ALS2: variants seen among roughly 807,000 people sequenced by gnomAD.
ALS2 encodes the protein alsin.
ALS2 carries 117 observed loss-of-function variants against 203.4 expected under a neutral mutation model. The ratio of observed to expected loss-of-function variants is 0.58; its 90% CI spans 0.50 to 0.67. The LOEUF is 0.67. ALS2 is among the 30% of genes least tolerant of loss of function. The pLI, the probability that ALS2 is intolerant of heterozygous loss-of-function variation, is 0.00. For synonymous variants in ALS2, 718 were observed against 725.9 expected, an observed-to-expected ratio of 0.99 and a Z score of 0.17; for missense variants, 1,715 against 1,989.4, an observed-to-expected ratio of 0.86 and a Z score of 2.62.
chr2:201,720,001 C>T (rs1027432793), intron 23 of ALS2: 1 of 299,238 alleles, frequency 3.3e-6, no homozygotes, highest in Admixed American at 5.0e-5. Flanking sequence ...AATGCTTAGG[C>T]CCAGAAGACT....
At position 201,755,380 on chromosome 2, in the gene ALS2, A is replaced by G. The variant is rs368983660; in HGVS notation, c.1472-709T>C. On this transcript the variant is annotated intron_variant, in intron 5 of 33. Transcript: ENST00000264276. ...TGGGTTCAAGTGATTCTCCTGCCTC[A>G]GCCTCCTGAGTAGCTAGGATTACAG... Among the ~76,000 whole-genome samples the G allele has an allele frequency of 2.3e-3, 352 of 152,088 alleles. 14 individuals are homozygous for G. The South Asian group carries it at 0.07, about 30-fold the overall frequency.
At chr2:201,707,097 C>T in intron 28 of ALS2, 75 bp from the exon 29 acceptor site, 1 of 1,437,590 alleles carries the variant, frequency 7.0e-7, no homozygotes, top group Non-Finnish European at 9.5e-7. Context: ...GGTAGAGCTT[C>T]AGTTTCAAAA....
At chr2:201,723,506 T>G (rs1283156809) in intron 21 of ALS2, 65 bp from the exon 22 acceptor site, 3 of 1,364,158 alleles carry the variant, frequency 2.2e-6, no homozygotes, top group Non-Finnish European at 3.1e-6. Context: ...AAAAGACAAT[T>G]ATCACATGGG....
intron 15 of ALS2, among the ~76,000 whole-genome samples, chr2:201,728,014 T>C (rs1176327389): frequency 6.6e-6 from 1 of 152,170 alleles, no homozygotes; most frequent in East Asian, 1.9e-4. Flanking sequence ...CTGACACTCA[T>C]TCTCAAGCTG....
rs565502273 is a variant in ALS2 at position 201,719,452 on chromosome 2, G to A, written c.3703-1242C>T. On this transcript the variant is annotated intron_variant, in intron 23 of 33. Coordinates refer to ENST00000264276, the MANE Select transcript of ALS2 (RefSeq NM_020919.4). ...AAAAATACAAAAATTAGCTGGGCAC[G>A]GTGGCACGTGCCTGTAATCCCATCT... Among the ~76,000 whole-genome samples, 22 of 152,304 alleles carry A rather than the reference G, an allele frequency of 1.4e-4. No individual in the cohort carries two copies. In the South Asian group the frequency reaches 3.7e-3, roughly 26 times the overall value.
In ALS2 at chr2:201,706,927, T is replaced by A. The variant is rs1689753526; in HGVS notation, c.4499A>T (p.Glu1500Val). Reference sequence around the variant, plus strand: ...GACACATTCCCAGTAAATGTCTTCCTCGCGATCATTATCCAAAGCATAAAG... The same window carrying A: ...GACACATTCCCAGTAAATGTCTTCCACGCGATCATTATCCAAAGCATAAAG... ...FMLYALDNDR[E>V]EDIYWECVLR... The change falls in exon 29 of 34, where the codon GAG (glutamate) becomes GTG (valine). Residue 1500 changes from glutamate (E) to valine (V), a missense_variant. Physicochemically the swap from Glu to Val is moderately radical, Grantham distance 121. This residue lies in a region of ALS2 where 1,227 missense variants were observed against 1,413.5 expected (regional missense o/e 0.87). Coordinates refer to ENST00000264276, the MANE Select transcript of ALS2 (RefSeq NM_020919.4). The A allele has an allele frequency of 6.2e-7, 1 of 1,613,966 alleles. No individual in the cohort carries two copies. The highest frequency in any genetic ancestry group is 1.7e-5 in the Admixed American group (1 of 59,992).
In ALS2 at chr2:201,768,868, T is replaced by C. The variant is rs375556249; in HGVS notation, c.18A>G (p.Arg6=). Residue 6 remains arginine (R), a splice_region_variant and synonymous_variant, in exon 2 of 34, where the codon AGA becomes AGG. Transcript: ENST00000264276. Reference sequence around the variant, plus strand: ...AGAAAAGGAAGAAATGATTTTACCTTCTCTTCTTTGAGTCCATCGGTCAGT... The same window carrying C: ...AGAAAAGGAAGAAATGATTTTACCTCCTCTTCTTTGAGTCCATCGGTCAGT... The part of the protein sequence containing the change: MDSKK[R]SSTEAEGSKE... 3.7e-6 allele frequency: 6 copies of C among 1,613,412 alleles called. No individual in the cohort carries two copies. In the African/African-American group the frequency reaches 8.0e-5, roughly 22 times the overall value.
intron 8 of ALS2, among the ~76,000 whole-genome samples, chr2:201,748,247 T>C (rs1348937101): frequency 6.6e-6 from 1 of 152,166 alleles, no homozygotes; most frequent in African/African-American, 2.4e-5. Flanking sequence ...TATAGCAGTC[T>C]TCTTCTGGCA....
chr2:201,702,706 C>G (rs2105960953), intron 33 of ALS2, among the ~76,000 whole-genome samples: 1 of 152,284 alleles, frequency 6.6e-6, no homozygotes, highest in South Asian at 2.1e-4. Flanking sequence ...AGTTCAGTTT[C>G]TTCTTTGGTG....
Position 201,761,769 on chromosome 2 carries a change from C to T in ALS2, c.225G>A (p.Val75=). The change falls in exon 4 of 34, where the codon GTG becomes GTA. Residue 75 remains valine, a synonymous_variant. Coordinates refer to ENST00000264276, the MANE Select transcript of ALS2 (RefSeq NM_020919.4). The stretch of plus-strand genomic sequence containing the variant: ...GAATGGGGCTACTTGGACAAATCTC[C>T]ACTGGTCCACTTCTCCAGGGAAGAG... ...FGTLPWRSGP[V]EICPSSPILE... is the part of the protein sequence containing the mutation. The T allele has an allele frequency of 1.2e-6, 2 of 1,613,850 alleles. No homozygotes were observed. Among genetic ancestry groups the T allele is most frequent in the Non-Finnish European group, 1.7e-6 (2 of 1,179,962 alleles).
At chr2:201,751,578 T>A (rs1248356355) in intron 7 of ALS2, among the ~76,000 whole-genome samples, 1 of 152,234 alleles carries the variant, frequency 6.6e-6, no homozygotes, top group East Asian at 1.9e-4. Context: ...CTTTATCACA[T>A]ATGTTGCAGA....
At chr2:201,714,070 A>G (rs1288306585) in intron 25 of ALS2, among the ~76,000 whole-genome samples, 1 of 152,128 alleles carries the variant, frequency 6.6e-6, no homozygotes, top group Non-Finnish European at 1.5e-5. Flanking sequence ...TTTCTTGAGG[A>G]CAGGAGTTCG....
chr2:201,735,168 CAG>C (rs1691800649), intron 12 of ALS2, among the ~76,000 whole-genome samples: 1 of 151,480 alleles, frequency 6.6e-6, no homozygotes, highest in African/African-American at 2.4e-5. Context: ...CAAACTCAAA[CAG>C]AGAGGAAGTA....
intron 16 of ALS2, 86 bp downstream of exon 16, chr2:201,727,619 C>A (rs1326786274): frequency 1.6e-6 from 2 of 1,226,986 alleles, no homozygotes; most frequent in Admixed American, 2.0e-5. Flanking sequence ...GTCTCCGAAG[C>A]CTTCCTGAGC....
intron 5 of ALS2, among the ~76,000 whole-genome samples, 163 bp downstream of exon 5, chr2:201,757,239 G>A (rs191729247): frequency 7.9e-4 from 121 of 152,254 alleles, no homozygotes; most frequent in African/African-American, 2.8e-3. Flanking sequence ...ATCTAAAGCA[G>A]ATAAACATGT....
chr2:201,773,814 GGACTGA>G (rs1287706836), intron 1 of ALS2, among the ~76,000 whole-genome samples: 1 of 152,192 alleles, frequency 6.6e-6, no homozygotes, highest in Non-Finnish European at 1.5e-5. Flanking sequence ...CGGACAAAGA[GGACTGA>G]GACTGAGAAG....
intron 4 of ALS2, chr2:201,760,254 T>G: frequency 2.4e-6 from 2 of 842,802 alleles, no homozygotes; most frequent in Non-Finnish European, 1.4e-6. Flanking sequence ...GAGGCTGCAG[T>G]GAGCCACAAT....
intron 1 of ALS2, among the ~76,000 whole-genome samples, chr2:201,771,924 T>A (rs867411133): frequency 1.3e-5 from 2 of 152,202 alleles, no homozygotes; most frequent in African/African-American, 4.8e-5. Flanking sequence ...TGATGTTGCA[T>A]AAACAGCATT....
At chr2:201,744,496 A>C in intron 9 of ALS2, 67 bp from the exon 10 acceptor site, 1 of 1,506,086 alleles carries the variant, frequency 6.6e-7, no homozygotes, top group Non-Finnish European at 9.1e-7. Flanking sequence ...GGTATACTGA[A>C]GCTGGCTTAT....
Sources: gnomAD v4.1 joint callset for allele counts (sites outside exome capture counted in the v4.1 genomes callset) on GRCh38, gnomAD v4.1.1 for gene constraint, gnomAD v4.1.1 regional missense constraint, MANE v1.5 for transcripts, NCBI Gene and HGNC (gene_info 2026-07-23, HGNC 2026-07-21) for gene names.